The following RORA variants were observed in gnomAD, a reference collection of about 807,000 sequenced individuals.
RORA encodes RAR related orphan receptor A, also known as nuclear receptor ROR-alpha.
RORA carries 7 observed loss-of-function variants against 69.5 expected under a neutral mutation model. The observed-to-expected ratio is 0.10, with a 90% confidence interval of 0.06 to 0.19. The LOEUF (loss-of-function observed/expected upper bound fraction) is 0.19, where lower values mean the gene tolerates loss of function less well. RORA is among the 10% of genes least tolerant of loss of function. The probability of loss-of-function intolerance (pLI) is 1.00; values close to 1 mark genes in which losing one functional copy is unlikely to be tolerated. For missense variants in RORA, 457 were observed against 663.0 expected (o/e 0.69, Z 3.41); for synonymous variants, 261 against 240.8 (o/e 1.08, Z -0.78).
chr15:60,505,365 A>C (rs895201384), intron 6 of RORA, 143 bp downstream of exon 6: 5 of 832,974 alleles, frequency 6.0e-6, no homozygotes, highest in Non-Finnish European at 5.7e-6. Flanking sequence ...CAAGTACATT[A>C]GTAGCTTCAG....
intron 1 of RORA, among the ~76,000 whole-genome samples, chr15:60,885,671 C>A (rs1356626570): frequency 6.6e-6 from 1 of 152,332 alleles, no homozygotes; most frequent in Non-Finnish European, 1.5e-5. Context: ...ATCGACAGAA[C>A]ACAACTTGTA....
chr15:60,789,035 G>C (rs1252748295), intron 1 of RORA, among the ~76,000 whole-genome samples: 1 of 152,166 alleles, frequency 6.6e-6, no homozygotes, highest in Non-Finnish European at 1.5e-5. Flanking sequence ...ATCAAACAAG[G>C]CTCTTCAAAA....
intron 1 of RORA, among the ~76,000 whole-genome samples, chr15:61,117,178 C>CTTT (rs35859710): frequency 0.12 from 17,229 of 138,306 alleles, 1,347 homozygotes; most frequent in East Asian, 0.3. Context: ...TTAAAAGTTA[C>CTTT]TTTTTTTTTT....
At chr15:60,661,652 G>C (rs1657794) in intron 2 of RORA, among the ~76,000 whole-genome samples, 2 of 151,958 alleles carry the variant, frequency 1.3e-5, no homozygotes, top group Non-Finnish European at 2.9e-5. Flanking sequence ...AACCTGAAAG[G>C]GCCCCCTCTT....
intron 1 of RORA, among the ~76,000 whole-genome samples, chr15:60,946,348 T>A (rs1406141359): frequency 2.0e-5 from 3 of 152,236 alleles, no homozygotes; most frequent in African/African-American, 7.2e-5. Context: ...CCGCCATCTC[T>A]GCTCACTGCA....
rs145116538 is a variant in RORA at position 60,998,297 on chromosome 15, G to C, written c.166+230756C>G. Among the ~76,000 whole-genome samples the C allele has an allele frequency of 5.8e-3, 877 of 152,094 alleles. 13 individuals are homozygous for C. Among genetic ancestry groups the C allele is most frequent in the African/African-American group, 0.02 (840 of 41,462 alleles). On this transcript the variant is annotated intron_variant, in intron 1 of 10. Transcript: ENST00000335670. Reference sequence around the variant, plus strand: ...TCCCACCTTAGCCCCCTGAGTAGCTGCGACTACAGGCATGTAATACCACAC... The same window carrying C: ...TCCCACCTTAGCCCCCTGAGTAGCTCCGACTACAGGCATGTAATACCACAC...
At chr15:60,704,546 T>C (rs2071033646) in intron 1 of RORA, among the ~76,000 whole-genome samples, 1 of 152,224 alleles carries the variant, frequency 6.6e-6, no homozygotes, top group African/African-American at 2.4e-5. Flanking sequence ...AGTATTTGGC[T>C]AGGTTTTGCT....
intron 1 of RORA, among the ~76,000 whole-genome samples, chr15:61,139,801 A>G (rs563090078): frequency 6.6e-6 from 1 of 152,324 alleles, no homozygotes; most frequent in South Asian, 2.1e-4. Context: ...AGAACCCAAA[A>G]ATAAATCACA....
intron 1 of RORA, among the ~76,000 whole-genome samples, chr15:60,857,521 G>A (rs1031612612): frequency 2.0e-5 from 3 of 152,014 alleles, no homozygotes; most frequent in Admixed American, 6.6e-5. Context: ...GTTGCTTTCC[G>A]GGTATTTGTA....
At chr15:60,851,303 A>G (rs909656943) in intron 1 of RORA, among the ~76,000 whole-genome samples, 4 of 152,156 alleles carry the variant, frequency 2.6e-5, no homozygotes, top group Non-Finnish European at 5.9e-5. Context: ...CGCTTCCACA[A>G]TCTTATGTGT....
At chr15:60,836,616 G>A (rs1181475283) in intron 1 of RORA, among the ~76,000 whole-genome samples, 1 of 152,142 alleles carries the variant, frequency 6.6e-6, no homozygotes, top group Non-Finnish European at 1.5e-5. Context: ...CACACGTTCA[G>A]CGGGGACTCC....
intron 1 of RORA, among the ~76,000 whole-genome samples, chr15:61,228,486 G>T (rs1216465669): frequency 6.7e-6 from 1 of 148,840 alleles, no homozygotes; most frequent in Non-Finnish European, 1.5e-5. Flanking sequence ...ACCCCGGAGC[G>T]CCCCCTCTCC....
intron 1 of RORA, among the ~76,000 whole-genome samples, chr15:61,008,385 T>C (rs567547368): frequency 6.6e-6 from 1 of 152,218 alleles, no homozygotes; most frequent in South Asian, 2.1e-4. Context: ...TAAAGAGATC[T>C]GGCCATATTC....
intron 2 of RORA, among the ~76,000 whole-genome samples, chr15:60,655,160 T>G (rs2070201559): frequency 6.6e-6 from 1 of 152,170 alleles, no homozygotes; most frequent in East Asian, 1.9e-4. Flanking sequence ...TCATGGCAAC[T>G]TTTTAAATTT....
chr15:60,611,042 T>A (rs148963264), intron 2 of RORA, among the ~76,000 whole-genome samples: 1 of 152,278 alleles, frequency 6.6e-6, no homozygotes, highest in African/African-American at 2.4e-5. Flanking sequence ...GGGCCAGTGG[T>A]CTTTCCTAAT....
At chr15:61,160,315 T>C (rs934701080) in intron 1 of RORA, among the ~76,000 whole-genome samples, 2 of 152,200 alleles carry the variant, frequency 1.3e-5, no homozygotes, top group African/African-American at 4.8e-5. Context: ...TAGCCTACAG[T>C]AGTATACGTA....
intron 4 of RORA, 123 bp downstream of exon 4, chr15:60,514,493 G>A (rs2065802721): frequency 4.5e-6 from 4 of 881,140 alleles, no homozygotes; most frequent in Middle Eastern, 6.4e-4. Flanking sequence ...ATGGGGGGCG[G>A]GGCGTAAGGT....
Position 60,736,037 on chromosome 15 carries a change from T to G in RORA, c.167-57351A>C, listed in dbSNP as rs534059114. On this transcript the variant is annotated intron_variant, in intron 1 of 10. Coordinates refer to ENST00000335670, the MANE Select transcript of RORA (RefSeq NM_134261.3). ...AATTATCTTGCTTACCTGTCAACTTTAAGGCGTCATCTAGGGATCAAGCAG... is the reference window on the plus strand; with the variant it reads ...AATTATCTTGCTTACCTGTCAACTTGAAGGCGTCATCTAGGGATCAAGCAG... 2.0e-5 allele frequency among the ~76,000 whole-genome samples: 3 copies of G among 152,310 alleles called. No individual in the cohort carries two copies. The East Asian group carries it at 5.8e-4, about 29-fold the overall frequency.
Position 61,122,463 on chromosome 15 carries a change from G to A in RORA, c.166+106590C>T, listed in dbSNP as rs60560089. ...AATGAGGAAAAGAAGACTCAGGGCA[G>A]TGAAGTGACTTGCCTGAGGTTACAC... On this transcript the variant is annotated intron_variant, in intron 1 of 10. Coordinates refer to ENST00000335670, the MANE Select transcript of RORA (RefSeq NM_134261.3). Among the ~76,000 whole-genome samples, 489 of 152,322 alleles carry A rather than the reference G, an allele frequency of 3.2e-3. 2 individuals are homozygous for A. Among genetic ancestry groups the A allele is most frequent in the African/African-American group, 0.011 (456 of 41,568 alleles).
Sources: allele counts gnomAD v4.1 joint callset (sites outside exome capture counted in the v4.1 genomes callset), GRCh38; gene constraint gnomAD v4.1.1; transcripts MANE v1.5; gene names NCBI Gene and HGNC (gene_info 2026-07-23, HGNC 2026-07-21).